The following CYP4V2 variants were observed in gnomAD, a reference collection of about 807,000 sequenced individuals.
CYP4V2 encodes the protein cytochrome P450 family 4 subfamily V member 2.
Under a neutral mutation model 60.8 loss-of-function variants are expected in CYP4V2, and 55 were observed. The ratio of observed to expected loss-of-function variants is 0.90; its 90% CI spans 0.73 to 1.13. The LOEUF is 1.13. Among genes scored for constraint, CYP4V2 ranks in the 50% most tolerant of loss-of-function variants. The pLI is 0.00. For missense variants in CYP4V2, 675 were observed against 662.9 expected (o/e 1.02, Z -0.20); for synonymous variants, 239 against 236.8 (o/e 1.01, Z -0.08).
At position 186,201,199 on chromosome 4, in the gene CYP4V2, T is replaced by G; in HGVS notation, c.844T>G (p.Cys282Gly). 6.2e-7 allele frequency: 1 copy of G among 1,614,188 alleles called. No homozygotes were observed. The highest frequency in any genetic ancestry group is 8.5e-7 in the Non-Finnish European group (1 of 1,180,026). Residue 282 changes from cysteine to glycine, a missense_variant, in exon 7 of 11, where the codon TGT (cysteine) becomes GGT (glycine). Coordinates refer to ENST00000378802, the MANE Select transcript of CYP4V2 (RefSeq NM_207352.4). ...RANEMNANED[C>G]RGDGRGSAPS... ...CAATGAAATGAACGCCAATGAAGAC[T>G]GTAGAGGTGATGGCAGGGGCTCTGC...
chr4:186,201,117 G>A lies in CYP4V2; in HGVS notation c.802-40G>A, dbSNP rs745994000. ...AATGTGTTAACTAGGGTGCATCCAA[G>A]TCCAAACAGAAGCATGTGATTATCA... On this transcript the variant is annotated intron_variant, in intron 6 of 10. Coordinates refer to ENST00000378802, the MANE Select transcript of CYP4V2 (RefSeq NM_207352.4). 3 of 1,606,428 alleles carry A rather than the reference G, an allele frequency of 1.9e-6. No homozygotes were observed. In the Admixed American group the frequency reaches 5.0e-5, roughly 27 times the overall value.
intron 5 of CYP4V2, among the ~76,000 whole-genome samples, 177 bp downstream of exon 5, chr4:186,197,779 C>T (rs901321301): frequency 2.3e-5 from 3 of 131,494 alleles, no homozygotes; most frequent in African/African-American, 8.0e-5. Context: ...AATTATGGCA[C>T]ATCTAGATTA....
chr4:186,202,847 TACACACAC>T (rs747038145), intron 7 of CYP4V2: 1 of 150,726 alleles, frequency 6.6e-6, no homozygotes, highest in Non-Finnish European at 1.5e-5. Flanking sequence ...CTCATGCACA[TACACACAC>T]ATGCACACAT....
chr4:186,206,496 G>C (rs1736510771), intron 8 of CYP4V2, among the ~76,000 whole-genome samples: 4 of 152,118 alleles, frequency 2.6e-5, no homozygotes, highest in Non-Finnish European at 5.9e-5. Flanking sequence ...ATAGCTGCAA[G>C]GTGAAAAGGA....
At chr4:186,194,799 C>G (rs533069762) in intron 2 of CYP4V2, among the ~76,000 whole-genome samples, 187 bp downstream of exon 2, 2 of 152,220 alleles carry the variant, frequency 1.3e-5, no homozygotes, top group Non-Finnish European at 2.9e-5. Flanking sequence ...GGGAGATTAA[C>G]ATTCTCCAGA....
At chr4:186,201,028 G>A in intron 6 of CYP4V2, 129 bp from the exon 7 acceptor site, 1 of 941,966 alleles carries the variant, frequency 1.1e-6, no homozygotes, top group South Asian at 1.6e-5. Flanking sequence ...AAGAGCCTAT[G>A]TTGTCGAAAT....
chr4:186,199,528 CAT>C (rs1363954110), intron 6 of CYP4V2, among the ~76,000 whole-genome samples: 3 of 152,096 alleles, frequency 2.0e-5, no homozygotes, highest in Admixed American at 6.5e-5. Context: ...ATAATTACAA[CAT>C]GTGATATGAG....
chr4:186,197,821 T>C (rs924086619), intron 5 of CYP4V2, among the ~76,000 whole-genome samples: 2 of 152,210 alleles, frequency 1.3e-5, no homozygotes. Flanking sequence ...TTCTCTAACA[T>C]TGAGATTACA....
intron 3 of CYP4V2, chr4:186,196,425 A>G (rs1736148315): frequency 2.8e-6 from 1 of 359,388 alleles, no homozygotes; most frequent in African/African-American, 2.1e-5. Context: ...TTGAAAATCC[A>G]ATCAAAAAGA....
In CYP4V2 at chr4:186,191,676, G is replaced by A. The variant is rs995264699; in HGVS notation, c.-148G>A. 2 of 713,014 alleles carry A rather than the reference G, an allele frequency of 2.8e-6. No individual in the cohort carries two copies. Among genetic ancestry groups the A allele is most frequent in the African/African-American group, 1.9e-5 (1 of 53,514 alleles). 44.2% of individuals were successfully genotyped at this position (713,014 alleles called of 1,614,324 possible). A position where few individuals can be genotyped will look rare whatever the true frequency, so the allele number is the denominator to read the frequency against. On this transcript the variant is annotated 5_prime_UTR_variant, in exon 1 of 11. Coordinates refer to ENST00000378802, the MANE Select transcript of CYP4V2 (RefSeq NM_207352.4). ...TCTGGCCGCCGCCCGGGCGGGAAAC[G>A]TCGTTCCGGGGACCGGGCGACCCCG...
At position 186,191,723 on chromosome 4, in the gene CYP4V2, C is replaced by G. The variant is rs983227013; in HGVS notation, c.-101C>G. ...CCCGCAGCGGGGAGCGCGCCAGGTC[C>G]GCGCGGGGAAGTGGGCGGTGTGCGG... On this transcript the variant is annotated 5_prime_UTR_variant, in exon 1 of 11. Transcript: ENST00000378802. 5.2e-6 allele frequency: 6 copies of G among 1,148,858 alleles called. No homozygotes were observed. Among genetic ancestry groups the G allele is most frequent in the Non-Finnish European group, 6.7e-6 (6 of 900,870 alleles). 71.2% of individuals were successfully genotyped at this position (1,148,858 alleles called of 1,614,324 possible). A position where few individuals can be genotyped will look rare whatever the true frequency, so the allele number is the denominator to read the frequency against.
chr4:186,200,303 T>C (rs1316903377), intron 6 of CYP4V2, among the ~76,000 whole-genome samples: 1 of 152,158 alleles, frequency 6.6e-6, no homozygotes, highest in East Asian at 1.9e-4. Context: ...AAAAGAAGGT[T>C]GAAATGTACA....
intron 5 of CYP4V2, 63 bp downstream of exon 5, chr4:186,197,665 C>G (rs1736194121): frequency 6.6e-7 from 1 of 1,522,802 alleles, no homozygotes. Context: ...AAAATTATTG[C>G]TAACAATTTC....
At chr4:186,209,367 T>C (rs1260291530) in intron 10 of CYP4V2, 95 bp downstream of exon 10, 8 of 1,484,492 alleles carry the variant, frequency 5.4e-6, no homozygotes, top group Non-Finnish European at 7.5e-6. Context: ...ACATTGCCCA[T>C]ATGCAACAGC....
In CYP4V2 at chr4:186,198,984, A is replaced by G. The variant is rs1047029447; in HGVS notation, c.702A>G (p.Ile234Met). 6.2e-7 allele frequency: 1 copy of G among 1,614,040 alleles called. No homozygotes were observed. Among genetic ancestry groups the G allele is most frequent in the African/African-American group, 1.3e-5 (1 of 74,946 alleles). Residue 234 changes from isoleucine to methionine, a missense_variant, in exon 6 of 11, where the codon ATA (isoleucine) becomes ATG (methionine). Transcript: ENST00000378802. ...YRMSEMIFRR[I>M]KMPWLWLDLW... ...TGAGTGAGATGATATTTCGAAGAATAAAGATGCCCTGGCTTTGGCTTGATC... is the reference window on the plus strand; with the variant it reads ...TGAGTGAGATGATATTTCGAAGAATGAAGATGCCCTGGCTTTGGCTTGATC...
intron 1 of CYP4V2, among the ~76,000 whole-genome samples, chr4:186,193,802 G>A (rs1330580471): frequency 2.0e-5 from 3 of 152,178 alleles, no homozygotes; most frequent in Non-Finnish European, 4.4e-5. Context: ...GAGGTGTTGC[G>A]TTTCATTTTG....
chr4:186,208,751 G>T, intron 8 of CYP4V2, 114 bp from the exon 9 acceptor site: 1 of 1,426,792 alleles, frequency 7.0e-7, no homozygotes, highest in Non-Finnish European at 9.9e-7. Context: ...TTCTTTGTTG[G>T]GTATTTGATG....
chr4:186,192,020 T>G lies in CYP4V2; in HGVS notation c.197T>G (p.Met66Arg), dbSNP rs745413794. Residue 66 changes from methionine to arginine, a missense_variant, in exon 1 of 11, where the codon ATG (methionine) becomes AGG (arginine). Met to Arg is a moderately conservative substitution (Grantham distance 91, BLOSUM62 -1). Transcript: ENST00000378802. The part of the protein sequence containing the change: ...AYPLVGHALL[M>R]KPDGREFFQQ... Reference sequence around the variant, plus strand: ...CCACTGGTGGGCCACGCGCTGCTGATGAAGCCGGACGGGCGAGGTAAGGGC... The same window carrying G: ...CCACTGGTGGGCCACGCGCTGCTGAGGAAGCCGGACGGGCGAGGTAAGGGC... 35 of 1,581,278 alleles carry G rather than the reference T, an allele frequency of 2.2e-5. No individual in the cohort carries two copies. The South Asian group carries it at 4.0e-4, about 18-fold the overall frequency.
rs745895075 is a variant in CYP4V2, at chr4:186,201,192, T to C, written c.837T>C (p.Asn279=). The C allele has an allele frequency of 5.6e-6, 9 of 1,614,164 alleles. 1 individual carries two copies. The South Asian group carries it at 9.9e-5, about 18-fold the overall frequency. Residue 279 remains asparagine, a synonymous_variant, in exon 7 of 11, where the codon AAT becomes AAC. Coordinates refer to ENST00000378802, the MANE Select transcript of CYP4V2 (RefSeq NM_207352.4). ...IAERANEMNA[N]EDCRGDGRGS... ...AACGGGCCAATGAAATGAACGCCAA[T>C]GAAGACTGTAGAGGTGATGGCAGGG...
Sources: gnomAD v4.1 joint callset for allele counts (sites outside exome capture counted in the v4.1 genomes callset) on GRCh38, gnomAD v4.1.1 for gene constraint, MANE v1.5 for transcripts, NCBI Gene and HGNC (gene_info 2026-07-23, HGNC 2026-07-21) for gene names.